DROSHA: variants seen among roughly 807,000 people sequenced by gnomAD.
The protein encoded by DROSHA is drosha ribonuclease III.
In DROSHA, 56 loss-of-function variants were observed where a neutral mutation model predicts 181.9. The ratio of observed to expected loss-of-function variants is 0.31; its 90% CI spans 0.25 to 0.38. The LOEUF is 0.38. DROSHA is among the 10% of genes least tolerant of loss of function. DROSHA has a pLI of 1.00. For missense variants in DROSHA, 1,218 were observed against 1,743.5 expected (o/e 0.70, Z 5.37); for synonymous variants, 524 against 591.2 (o/e 0.89, Z 1.65).
intron 21 of DROSHA, 96 bp downstream of exon 21, chr5:31,451,437 A>T (rs2150015613): frequency 9.8e-7 from 1 of 1,017,050 alleles, no homozygotes; most frequent in Non-Finnish European, 1.5e-6. Context: ...TCCTTGTCAC[A>T]TCCCAGGATA....
intron 35 of DROSHA, among the ~76,000 whole-genome samples, chr5:31,404,620 G>A (rs61248979): frequency 0.16 from 23,659 of 152,082 alleles, 2,024 homozygotes; most frequent in East Asian, 0.29. Context: ...AGGTTCTGCT[G>A]TGCAGCACAA....
intron 35 of DROSHA, among the ~76,000 whole-genome samples, chr5:31,403,466 CAT>C (rs1320227468): frequency 6.6e-6 from 1 of 152,104 alleles, no homozygotes; most frequent in East Asian, 1.9e-4. Context: ...CATTTAAAAT[CAT>C]TACTCATTGG....
intron 20 of DROSHA, among the ~76,000 whole-genome samples, chr5:31,458,664 A>T (rs1432477465): frequency 1.3e-5 from 2 of 152,228 alleles, no homozygotes; most frequent in Non-Finnish European, 2.9e-5. Context: ...GATGATGGAA[A>T]TATCCTATTA....
intron 24 of DROSHA, among the ~76,000 whole-genome samples, chr5:31,436,832 T>C (rs1291061718): frequency 2.0e-5 from 3 of 150,596 alleles, no homozygotes; most frequent in African/African-American, 7.3e-5. Context: ...CTTGTAAGCT[T>C]TACTTCCCTT....
At position 31,411,752 on chromosome 5, in the gene DROSHA, G is replaced by A. The variant is rs141272753; in HGVS notation, c.3526-865C>T. On this transcript the variant is annotated intron_variant, in intron 30 of 35. Transcript: ENST00000344624. This position sits in a 1 kb window ranked among gnomAD's most constrained non-coding sequence, Gnocchi z 4.2. ...AGCTATCCTCCCACCTCAGCCTCCC[G>A]AGTAGCTGTGACTATAGGCACCTGC... 0.029 allele frequency among the ~76,000 whole-genome samples: 4,435 copies of A among 151,950 alleles called. 115 individuals are homozygous for A. Among genetic ancestry groups the A allele is most frequent in the African/African-American group, 0.07 (2,889 of 41,412 alleles).
chr5:31,415,025 G>A (rs1032564971), intron 30 of DROSHA, among the ~76,000 whole-genome samples: 3 of 152,178 alleles, frequency 2.0e-5, no homozygotes, highest in Admixed American at 1.3e-4. Flanking sequence ...TCAAACTCTG[G>A]TATTGAGAAT....
chr5:31,510,829 G>A (rs138413197), intron 9 of DROSHA, among the ~76,000 whole-genome samples: 3 of 152,306 alleles, frequency 2.0e-5, no homozygotes, highest in East Asian at 1.9e-4. Flanking sequence ...AAATGAGATC[G>A]CTGCTGTATT....
chr5:31,482,854 A>G (rs1751192919), intron 16 of DROSHA, among the ~76,000 whole-genome samples: 2 of 151,188 alleles, frequency 1.3e-5, no homozygotes, highest in East Asian at 1.9e-4. Context: ...GGGCCTTGCC[A>G]TGTTGCTCAA....
rs1740656404 is a variant in DROSHA at position 31,526,884 on chromosome 5, C to T, written c.49G>A (p.Gly17Arg). The T allele has an allele frequency of 1.9e-6, 3 of 1,613,026 alleles. No homozygotes were observed. Among genetic ancestry groups the T allele is most frequent in the Non-Finnish European group, 2.5e-6 (3 of 1,179,782 alleles). ...TGTCCTCCTCGTCCTCGGGGACACC[C>T]TCGTCCCGGGTGGAACGACATTCTG... ...CHRMSFHPGR[G>R]CPRGRGGHGA... The change falls in exon 5 of 36, where the codon GGG becomes AGG. Residue 17 changes from glycine to arginine, a missense_variant. Transcript: ENST00000344624.
At chr5:31,518,480 A>G (rs1246884527) in intron 6 of DROSHA, among the ~76,000 whole-genome samples, 1 of 152,212 alleles carries the variant, frequency 6.6e-6, no homozygotes, top group East Asian at 1.9e-4. Flanking sequence ...ATAACTTTCC[A>G]TAGTGAATTT....
At chr5:31,440,412 C>G (rs1249224854) in intron 23 of DROSHA, among the ~76,000 whole-genome samples, 2 of 152,162 alleles carry the variant, frequency 1.3e-5, no homozygotes, top group Non-Finnish European at 2.9e-5. Context: ...TTATTCTTAG[C>G]TACAAAATCA....
chr5:31,482,895 G>A (rs549560637), intron 16 of DROSHA, among the ~76,000 whole-genome samples: 10 of 151,524 alleles, frequency 6.6e-5, no homozygotes, highest in African/African-American at 1.7e-4. Context: ...GGGCTCAAGC[G>A]ATCCTTCCTT....
intron 29 of DROSHA, 129 bp downstream of exon 29, chr5:31,422,658 C>A: frequency 8.8e-7 from 1 of 1,139,606 alleles, no homozygotes; most frequent in Non-Finnish European, 1.2e-6. Flanking sequence ...GTCTGCTCAC[C>A]CATCTCACAA....
At chr5:31,513,818 A>C (rs1391178482) in intron 8 of DROSHA, among the ~76,000 whole-genome samples, 4 of 152,184 alleles carry the variant, frequency 2.6e-5, no homozygotes, top group Admixed American at 2.6e-4. Flanking sequence ...TGAGATGTCC[A>C]CTCATTCATT....
chr5:31,531,940 T>G (rs1246551823), intron 1 of DROSHA, 50 bp downstream of exon 1: 2 of 173,012 alleles, frequency 1.2e-5, no homozygotes, highest in Admixed American at 5.8e-5. Context: ...CCCGTTTAAA[T>G]CCTGACACTC....
Position 31,526,290 on chromosome 5 carries a change from C to T in DROSHA, c.643G>A (p.Ala215Thr), listed in dbSNP as rs752260854. The T allele has an allele frequency of 5.6e-6, 9 of 1,613,756 alleles. No homozygotes were observed. The highest frequency in any genetic ancestry group is 1.1e-5 in the South Asian group (1 of 91,052). ...RHLPPYPLPK[A>T]PSERRSPERL... is the part of the protein sequence containing the mutation. ...TCTGGGGACCTTCTCTCACTGGGAG[C>T]CTTTGGGAGTGGGTATGGAGGGAGA... is the stretch of plus-strand genomic sequence containing the variant. The change falls in exon 5 of 36, where the codon GCT (alanine) becomes ACT (threonine). Residue 215 changes from alanine (A) to threonine (T), a missense_variant. Coordinates refer to ENST00000344624, the MANE Select transcript of DROSHA (RefSeq NM_001382508.1).
intron 20 of DROSHA, among the ~76,000 whole-genome samples, chr5:31,461,857 CA>C (rs1407793775): frequency 2.0e-5 from 3 of 151,102 alleles, no homozygotes; most frequent in African/African-American, 7.3e-5. Context: ...GTTTTAAGTT[CA>C]ATGAAGGTTA....
At chr5:31,440,040 T>A (rs895726541) in intron 23 of DROSHA, among the ~76,000 whole-genome samples, 1 of 152,140 alleles carries the variant, frequency 6.6e-6, no homozygotes, top group African/African-American at 2.4e-5. Flanking sequence ...CCATTCTTTA[T>A]CTAGTTTCAT....
intron 6 of DROSHA, among the ~76,000 whole-genome samples, chr5:31,519,334 T>C (rs1480561894): frequency 6.6e-6 from 1 of 152,176 alleles, no homozygotes; most frequent in Non-Finnish European, 1.5e-5. Flanking sequence ...CCTCTTGTCA[T>C]CTTTCCTAAT....
Sources: gnomAD v4.1 joint callset for allele counts (sites outside exome capture counted in the v4.1 genomes callset) on GRCh38, gnomAD v4.1.1 for gene constraint, Gnocchi (gnomAD v3.1) non-coding constraint, MANE v1.5 for transcripts, NCBI Gene and HGNC (gene_info 2026-07-23, HGNC 2026-07-21) for gene names.